The following TVP23A variants were observed in gnomAD, a reference collection of about 807,000 sequenced individuals.
The protein encoded by TVP23A is trans-golgi network vesicle protein 23 homolog A, also known as Golgi apparatus membrane protein TVP23 homolog A.
A neutral mutation model predicts 31.7 loss-of-function variants in TVP23A; 21 were observed. The observed-to-expected ratio is 0.66, with a 90% CI of 0.47 to 0.95. The LOEUF is 0.95. Among genes scored for constraint, TVP23A ranks in the 40% least tolerant of loss-of-function variants. The pLI is 0.00. For synonymous variants in TVP23A, 104 were observed against 96.0 expected (o/e 1.08, Z -0.49); for missense variants, 279 against 255.6 (o/e 1.09, Z -0.62).
At chr16:10,812,816 A>G (rs2034263494) in intron 2 of TVP23A, among the ~76,000 whole-genome samples, 1 of 152,178 alleles carries the variant, frequency 6.6e-6, no homozygotes, top group East Asian at 1.9e-4. Context: ...CAACGTGACT[A>G]TACTTGAACT....
intron 7 of TVP23A, 24 bp downstream of exon 7, chr16:10,770,248 C>G (rs780955313): frequency 1.9e-6 from 3 of 1,550,144 alleles, no homozygotes; most frequent in Non-Finnish European, 2.6e-6. Flanking sequence ...TTCCTCCACA[C>G]GGGTGCCATG....
At chr16:10,789,922 A>C (rs72785632) in intron 2 of TVP23A, among the ~76,000 whole-genome samples, 1 of 152,086 alleles carries the variant, frequency 6.6e-6, no homozygotes, top group Non-Finnish European at 1.5e-5. Flanking sequence ...GCTGGTTGGT[A>C]GGGACCTTCT....
At chr16:10,802,912 C>T (rs9745621) in intron 2 of TVP23A, among the ~76,000 whole-genome samples, 36,590 of 152,108 alleles carry the variant, frequency 0.24, 10,039 homozygotes, top group African/African-American at 0.67. Flanking sequence ...CGCAAGGATA[C>T]AGAATTAAGT....
intron 2 of TVP23A, among the ~76,000 whole-genome samples, chr16:10,794,327 G>C (rs565198038): frequency 1.3e-5 from 2 of 152,126 alleles, no homozygotes; most frequent in African/African-American, 4.8e-5. Context: ...GCCTCTCCCT[G>C]TGTCTCTATC....
intron 2 of TVP23A, among the ~76,000 whole-genome samples, chr16:10,786,913 C>G (rs1385684056): frequency 6.6e-6 from 1 of 151,726 alleles, no homozygotes; most frequent in Non-Finnish European, 1.5e-5. Context: ...TTCTGGGTAC[C>G]TAGATGGCCC....
chr16:10,802,511 C>T (rs937839357), intron 2 of TVP23A, among the ~76,000 whole-genome samples: 2 of 152,074 alleles, frequency 1.3e-5, no homozygotes, highest in Non-Finnish European at 1.5e-5. Context: ...AACTCCTGAG[C>T]TCAAGCGATC....
intron 2 of TVP23A, among the ~76,000 whole-genome samples, chr16:10,815,690 C>A (rs2034407179): frequency 6.6e-6 from 1 of 152,110 alleles, no homozygotes; most frequent in Non-Finnish European, 1.5e-5. Context: ...GCAAACCTGC[C>A]CTAGATTGGG....
At chr16:10,806,445 C>T (rs918097702) in intron 2 of TVP23A, among the ~76,000 whole-genome samples, 35 of 152,194 alleles carry the variant, frequency 2.3e-4, no homozygotes, top group Non-Finnish European at 5.1e-4. Flanking sequence ...CTCCCAAATG[C>T]CTTCCCAGAT....
chr16:10,815,294 C>A (rs141319001), intron 2 of TVP23A, among the ~76,000 whole-genome samples: 15 of 152,264 alleles, frequency 9.9e-5, no homozygotes, highest in African/African-American at 3.4e-4. Context: ...CACCTGCAGT[C>A]CCAGCTACTT....
At chr16:10,789,820 G>C (rs2032994017) in intron 2 of TVP23A, among the ~76,000 whole-genome samples, 1 of 144,892 alleles carries the variant, frequency 6.9e-6, no homozygotes, top group Non-Finnish European at 1.5e-5. Context: ...GACAGAGTGA[G>C]ACTCTGTCTC....
intron 2 of TVP23A, among the ~76,000 whole-genome samples, chr16:10,802,557 G>A (rs140674157): frequency 6.6e-6 from 1 of 152,276 alleles, no homozygotes; most frequent in East Asian, 1.9e-4. Flanking sequence ...TGGGGTTACA[G>A]GTGTGAGCCA....
Position 10,774,119 on chromosome 16 carries a change from C to T in TVP23A, c.244G>A (p.Gly82Arg), listed in dbSNP as rs564537498. The T allele has an allele frequency of 6.5e-5, 104 of 1,608,488 alleles. 1 individual carries two copies. In the South Asian group the frequency reaches 9.8e-4, roughly 15 times the overall value. The change falls in exon 4 of 8, where the codon GGA becomes AGA. Residue 82 changes from glycine to arginine, a missense_variant. Transcript: ENST00000299866. ...CATCGAAGGCCCACCAGGAGTCTTC[C>T]GGTTACATTCTGAGAACAATAGACA... ...LDFWSVKNVT[G>R]RLLVGLRWWN...
chr16:10,778,661 TA>T (rs532972083), intron 2 of TVP23A, among the ~76,000 whole-genome samples: 7,746 of 137,928 alleles, frequency 0.056, 576 homozygotes, highest in African/African-American at 0.18. Context: ...AATACAAATG[TA>T]AAAAAAAAAA....
At chr16:10,806,535 T>A (rs1489681943) in intron 2 of TVP23A, among the ~76,000 whole-genome samples, 5 of 152,152 alleles carry the variant, frequency 3.3e-5, no homozygotes, top group Non-Finnish European at 5.9e-5. Flanking sequence ...AGAGTTTCAT[T>A]TTGTCACCCA....
At position 10,777,156 on chromosome 16, in the gene TVP23A, C is replaced by G. The variant is rs62026502; in HGVS notation, c.90-2060G>C. ...CACAGTGATGGATGAGAATGAAACC[C>G]GCACCTCAGGGCAGGGGAGGAAAAG... On this transcript the variant is annotated intron_variant, in intron 2 of 7. Transcript: ENST00000299866. The surrounding 1 kb of genome is among the most constrained non-coding windows in gnomAD (Gnocchi z 4.5). 6.6e-6 allele frequency among the ~76,000 whole-genome samples: 1 copy of G among 151,784 alleles called. No individual in the cohort carries two copies. Among genetic ancestry groups the G allele is most frequent in the East Asian group, 1.9e-4 (1 of 5,172 alleles).
chr16:10,805,545 C>T (rs142256437), intron 2 of TVP23A, among the ~76,000 whole-genome samples: 112 of 148,218 alleles, frequency 7.6e-4, no homozygotes, highest in African/African-American at 2.7e-3. Context: ...TGAGTCATCT[C>T]GGAAGCCGGC....
chr16:10,768,300 G>A lies in TVP23A; in HGVS notation c.*802C>T. 4.9e-6 allele frequency: 1 copy of A among 204,396 alleles called. No individual in the cohort carries two copies. Among genetic ancestry groups the A allele is most frequent in the South Asian group, 1.1e-4 (1 of 9,030 alleles). 12.7% of individuals were successfully genotyped at this position (204,396 alleles called of 1,614,324 possible). ...GGGATAAAGTAATTCATTTTTAAAA[G>A]TAACTGATAAAAAAAAAAAAGGCCA... On this transcript the variant is annotated 3_prime_UTR_variant, in exon 8 of 8. Coordinates refer to ENST00000299866, the MANE Select transcript of TVP23A (RefSeq NM_001079512.4). The surrounding 1 kb of genome is among the most constrained non-coding windows in gnomAD (Gnocchi z 4.3).
At chr16:10,802,272 GTGTGTGTGTGTGTA>G (rs59049604) in intron 2 of TVP23A, among the ~76,000 whole-genome samples, 7,968 of 133,790 alleles carry the variant, frequency 0.06, 319 homozygotes, top group African/African-American at 0.13. Flanking sequence ...GTGTGTGTGT[GTGTGTGTGTGTGTA>G]TATGTGTGTG....
At chr16:10,802,284 G>GTA (rs756685686) in intron 2 of TVP23A, among the ~76,000 whole-genome samples, 7 of 91,864 alleles carry the variant, frequency 7.6e-5, no homozygotes, top group Non-Finnish European at 1.2e-4. Context: ...GTGTGTGTGT[G>GTA]TATATGTGTG....
Sources: allele counts gnomAD v4.1 joint callset (sites outside exome capture counted in the v4.1 genomes callset), GRCh38; gene constraint gnomAD v4.1.1; non-coding constraint Gnocchi (gnomAD v3.1); transcripts MANE v1.5; gene names NCBI Gene and HGNC (gene_info 2026-07-23, HGNC 2026-07-21).